CLHC1: variants seen among roughly 807,000 people sequenced by gnomAD.
CLHC1 encodes clathrin heavy chain linker domain-containing protein 1.
Under a neutral mutation model 69.5 loss-of-function variants are expected in CLHC1, and 72 were observed. The ratio of observed to expected loss-of-function variants is 1.04; its 90% CI spans 0.86 to 1.26. The LOEUF is 1.26. Ranked by LOEUF, CLHC1 falls within the 50% of genes most tolerant of loss-of-function variation. The pLI is 0.00. For synonymous variants in CLHC1, 223 were observed against 224.3 expected, an observed-to-expected ratio of 0.99 and a Z score of 0.05; for missense variants, 790 against 679.3, an observed-to-expected ratio of 1.16 and a Z score of -1.81.
intron 9 of CLHC1, among the ~76,000 whole-genome samples, chr2:55,184,778 GC>G (rs374430178): frequency 4.6e-5 from 7 of 151,984 alleles, no homozygotes; most frequent in African/African-American, 7.2e-5. Flanking sequence ...GGTGGCACCT[GC>G]CTTTAATCTC....
intron 1 of CLHC1, among the ~76,000 whole-genome samples, chr2:55,228,696 C>A (rs376842097): frequency 6.6e-6 from 1 of 152,286 alleles, no homozygotes; most frequent in East Asian, 1.9e-4. Flanking sequence ...AAAACAAAAT[C>A]TAGGGCAATG....
chr2:55,217,675 A>C (rs1673709658), intron 4 of CLHC1, 136 bp downstream of exon 4: 2 of 483,042 alleles, frequency 4.1e-6, no homozygotes, highest in Non-Finnish European at 3.6e-6. Context: ...TACTAGGAGA[A>C]GGTAACATAA....
At chr2:55,211,802 T>A (rs1283045665) in intron 5 of CLHC1, among the ~76,000 whole-genome samples, 1 of 152,202 alleles carries the variant, frequency 6.6e-6, no homozygotes, top group Non-Finnish European at 1.5e-5. Context: ...AACCTCTCCA[T>A]ATCCTAGATG....
At chr2:55,219,662 A>C (rs950741135) in intron 3 of CLHC1, among the ~76,000 whole-genome samples, 3 of 152,030 alleles carry the variant, frequency 2.0e-5, no homozygotes, top group Admixed American at 6.6e-5. Context: ...TAACTCTTTT[A>C]TATTACCTTG....
Position 55,226,587 on chromosome 2 carries a change from T to C in CLHC1, c.-83+1445A>G, listed in dbSNP as rs189239248. Among the ~76,000 whole-genome samples the C allele has an allele frequency of 1.6e-4, 25 of 152,318 alleles. No individual in the cohort carries two copies. In the East Asian group the frequency reaches 4.4e-3, roughly 27 times the overall value. On this transcript the variant is annotated intron_variant, in intron 2 of 12. Transcript: ENST00000401408. ...CTTCTAAAGCTTACACAGTATTTCATAGTATGATGTTCCATTAATTTATTC... is the reference window on the plus strand; with the variant it reads ...CTTCTAAAGCTTACACAGTATTTCACAGTATGATGTTCCATTAATTTATTC...
intron 9 of CLHC1, among the ~76,000 whole-genome samples, chr2:55,185,333 T>C (rs982836936): frequency 8.5e-5 from 13 of 152,234 alleles, no homozygotes; most frequent in South Asian, 2.1e-4. Context: ...GAAAGGCTAT[T>C]TAAAAAGCTA....
At chr2:55,189,219 C>T (rs1234052354) in intron 9 of CLHC1, among the ~76,000 whole-genome samples, 1 of 152,000 alleles carries the variant, frequency 6.6e-6, no homozygotes, top group Non-Finnish European at 1.5e-5. Context: ...TTCTTAAAAA[C>T]TACTCAATTA....
intron 3 of CLHC1, among the ~76,000 whole-genome samples, chr2:55,220,583 T>A (rs1031923082): frequency 6.6e-6 from 1 of 152,192 alleles, no homozygotes; most frequent in African/African-American, 2.4e-5. Flanking sequence ...TTATTTTCTA[T>A]TTAACACCAT....
chr2:55,196,823 G>A (rs1408031279), intron 9 of CLHC1, among the ~76,000 whole-genome samples: 1 of 152,168 alleles, frequency 6.6e-6, no homozygotes, highest in East Asian at 1.9e-4. Flanking sequence ...AAGCAGAAGA[G>A]TAAAAAAGAC....
At chr2:55,178,712 G>A (rs1224451189) in intron 11 of CLHC1, among the ~76,000 whole-genome samples, 3 of 151,854 alleles carry the variant, frequency 2.0e-5, no homozygotes, top group Non-Finnish European at 2.9e-5. Context: ...ATTATTTTGC[G>A]GCCACAATAG....
Position 55,177,532 on chromosome 2 carries a change from G to A in CLHC1, c.1564+70C>T. The A allele has an allele frequency of 9.1e-6, 10 of 1,103,578 alleles. No homozygotes were observed. The South Asian group carries it at 1.6e-4, about 18-fold the overall frequency. 68.4% of individuals were successfully genotyped at this position (1,103,578 alleles called of 1,614,324 possible). A position where few individuals can be genotyped will look rare whatever the true frequency, so the allele number is the denominator to read the frequency against. On this transcript the variant is annotated intron_variant, in intron 12 of 12. Coordinates refer to ENST00000401408, the MANE Select transcript of CLHC1 (RefSeq NM_152385.4). ...CTTAGGGAAATTTGAGTTAACTCAT[G>A]CATAACCATCTTGAACCTCTCCCTA...
At chr2:55,216,673 A>G (rs970215025) in intron 4 of CLHC1, among the ~76,000 whole-genome samples, 1 of 150,990 alleles carries the variant, frequency 6.6e-6, no homozygotes, top group African/African-American at 2.4e-5. Context: ...AACTGGGACC[A>G]CACCCAGCTA....
chr2:55,199,967 T>C (rs927464650), intron 9 of CLHC1, among the ~76,000 whole-genome samples: 3 of 152,138 alleles, frequency 2.0e-5, no homozygotes, highest in East Asian at 1.9e-4. Context: ...CTCACACCTG[T>C]AATCTCAGCA....
At chr2:55,186,972 T>C (rs1040427468) in intron 9 of CLHC1, among the ~76,000 whole-genome samples, 4 of 151,844 alleles carry the variant, frequency 2.6e-5, no homozygotes, top group Non-Finnish European at 5.9e-5. Flanking sequence ...AAACTATATA[T>C]TTAAAAAAAT....
rs571168767 is a variant in CLHC1, at chr2:55,231,347, T to C, written c.-256+876A>G. Among the ~76,000 whole-genome samples, 12 of 152,236 alleles carry C rather than the reference T, an allele frequency of 7.9e-5. No homozygotes were observed. In the South Asian group the frequency reaches 2.5e-3, roughly 32 times the overall value. On this transcript the variant is annotated intron_variant, in intron 1 of 12. Coordinates refer to ENST00000401408, the MANE Select transcript of CLHC1 (RefSeq NM_152385.4). ...GCATAGGTCAGGAAATTAAATTAGCTTCATTTACTAAAATGTAGAGTAATG... is the reference window on the plus strand; with the variant it reads ...GCATAGGTCAGGAAATTAAATTAGCCTCATTTACTAAAATGTAGAGTAATG...
In CLHC1 at chr2:55,181,599, A is replaced by T. The variant is rs1669937934; in HGVS notation, c.1152T>A (p.Asp384Glu). The change falls in exon 10 of 13, where the codon GAT becomes GAA. Residue 384 changes from aspartate to glutamate, a missense_variant. Asp to Glu is a conservative substitution (Grantham distance 45). Coordinates refer to ENST00000401408, the MANE Select transcript of CLHC1 (RefSeq NM_152385.4). ...CCTGTGTAACCCAATTGGTAACTAA[A>T]TCTAACCGTTTTTCTGATAATCCAC... is the stretch of plus-strand genomic sequence containing the variant. ...IKCGLSEKRL[D>E]LVTNWVTQER... is the part of the protein sequence containing the mutation. The T allele has an allele frequency of 6.2e-7, 1 of 1,611,844 alleles. No homozygotes were observed. Among genetic ancestry groups the T allele is most frequent in the African/African-American group, 1.3e-5 (1 of 74,778 alleles).
intron 12 of CLHC1, among the ~76,000 whole-genome samples, chr2:55,177,042 G>C (rs889059480): frequency 1.6e-4 from 24 of 151,942 alleles, no homozygotes; most frequent in African/African-American, 5.1e-4. Flanking sequence ...GGCTAATTTT[G>C]GTATCTTTTT....
intron 12 of CLHC1, among the ~76,000 whole-genome samples, chr2:55,176,747 G>T (rs1224340835): frequency 3.3e-5 from 5 of 151,958 alleles, no homozygotes; most frequent in African/African-American, 1.2e-4. Flanking sequence ...TATTTTAGTT[G>T]ATATCTGTAA....
At chr2:55,198,432 C>G (rs1473657372) in intron 9 of CLHC1, among the ~76,000 whole-genome samples, 4 of 151,918 alleles carry the variant, frequency 2.6e-5, no homozygotes, top group African/African-American at 9.7e-5. Flanking sequence ...CTAAAAAATA[C>G]AAAAATTAGC....
Sources: gnomAD v4.1 joint callset for allele counts (sites outside exome capture counted in the v4.1 genomes callset) on GRCh38, gnomAD v4.1.1 for gene constraint, MANE v1.5 for transcripts, NCBI Gene and HGNC (gene_info 2026-07-23, HGNC 2026-07-21) for gene names.